SLC15A4: variants seen among roughly 807,000 people sequenced by gnomAD.
SLC15A4 encodes solute carrier family 15 member 4.
A neutral mutation model predicts 46.1 loss-of-function variants in SLC15A4; 26 were observed. The ratio of observed to expected loss-of-function variants is 0.56; its 90% confidence interval spans 0.41 to 0.78. The LOEUF (loss-of-function observed/expected upper bound fraction) is 0.78. SLC15A4 is among the 30% of genes least tolerant of loss of function. SLC15A4 has a pLI of 0.00. For missense variants in SLC15A4, 751 were observed against 755.7 expected (o/e 0.99, Z 0.07); for synonymous variants, 370 against 333.4 (o/e 1.11, Z -1.20).
chr12:128,812,601 C>G (rs1410087135), intron 2 of SLC15A4, among the ~76,000 whole-genome samples: 1 of 152,170 alleles, frequency 6.6e-6, no homozygotes, highest in Non-Finnish European at 1.5e-5. Context: ...CGGGCTTGAG[C>G]CACCACGCCC....
Position 128,823,613 on chromosome 12 carries a change from C to A in SLC15A4, c.331G>T (p.Ala111Ser). The change falls in exon 1 of 8, where the codon GCG (alanine) becomes TCG (serine). Residue 111 changes from alanine to serine, a missense_variant. Ala to Ser is a moderately conservative substitution (Grantham distance 99). Coordinates refer to ENST00000266771, the MANE Select transcript of SLC15A4 (RefSeq NM_145648.4). ...GRARAILLSL[A>S]LYLLGMLAFP... is the part of the protein sequence containing the mutation. ...GCCAGCATGCCCAGCAGGTAGAGCG[C>A]CAGGCTCAGCAGGATGGCGCGCGCC... 1.2e-5 allele frequency: 18 copies of A among 1,466,010 alleles called. No homozygotes were observed. Among genetic ancestry groups the A allele is most frequent in the Non-Finnish European group, 1.4e-5 (16 of 1,114,444 alleles). The allele number at this position is 1,466,010 out of a possible 1,614,324, so 90.8% of individuals were successfully genotyped here.
At position 128,800,926 on chromosome 12, in the gene SLC15A4, C is replaced by G. The variant is rs767177677; in HGVS notation, c.1342G>C (p.Asp448His). The G allele has an allele frequency of 1.9e-6, 3 of 1,614,166 alleles. No homozygotes were observed. Among genetic ancestry groups the G allele is most frequent in the Non-Finnish European group, 2.5e-6 (3 of 1,180,020 alleles). The change falls in exon 6 of 8, where the codon GAT (aspartate) becomes CAT (histidine). Residue 448 changes from aspartate to histidine, a missense_variant. Asp to His is a moderately conservative substitution (Grantham distance 81, BLOSUM62 -1). Transcript: ENST00000266771. ...GGCACCTGCCACCACAGCGACAGAT[C>G]GGCAGCATGGTAGACGACGTTGCCG... ...TIGNVVYHAA[D>H]LSLWWQVPQY...
chr12:128,804,100 T>C (rs1955550892), intron 5 of SLC15A4, among the ~76,000 whole-genome samples: 2 of 152,208 alleles, frequency 1.3e-5, no homozygotes. Context: ...AATCATGCTA[T>C]TCACCTACAA....
In SLC15A4 at chr12:128,797,779, G is replaced by T. The variant is rs112357422; in HGVS notation, c.1573+1480C>A. On this transcript the variant is annotated intron_variant, in intron 7 of 7. Transcript: ENST00000266771. ...CTCTCTGAGGAGCGGGCTTCCTGTG[G>T]ATTTCCCATGTCACAGCCTTTATTT... Among the ~76,000 whole-genome samples the T allele has an allele frequency of 6.9e-3, 1,050 of 152,296 alleles. 10 individuals are homozygous for T. The highest frequency in any genetic ancestry group is 0.024 in the African/African-American group (997 of 41,558).
chr12:128,820,250 T>G (rs755483722), intron 1 of SLC15A4, among the ~76,000 whole-genome samples: 1 of 152,148 alleles, frequency 6.6e-6, no homozygotes, highest in Non-Finnish European at 1.5e-5. Context: ...CATCTTAGTG[T>G]GGTAGCTAAA....
chr12:128,823,809 C>G lies in SLC15A4; in HGVS notation c.135G>C (p.Leu45=). 6.7e-7 allele frequency: 1 copy of G among 1,483,594 alleles called. No homozygotes were observed. Among genetic ancestry groups the G allele is most frequent in the Non-Finnish European group, 8.9e-7 (1 of 1,121,174 alleles). The allele number at this position is 1,483,594 out of a possible 1,614,324, so 91.9% of individuals were successfully genotyped here. A position where few individuals can be genotyped will look rare whatever the true frequency, so the allele number is the denominator to read the frequency against. The stretch of plus-strand genomic sequence containing the variant: ...TGCCGTAGAAAGCGGCGCGCTCCAG[C>G]AGCTCCGTCAGCAGCACGGCCCCGC... ...AACGAVLLTE[L]LERAAFYGIT... is the part of the protein sequence containing the mutation. Residue 45 remains leucine, a synonymous_variant, in exon 1 of 8, where the codon CTG becomes CTC. Transcript: ENST00000266771.
Position 128,809,399 on chromosome 12 carries a change from G to T in SLC15A4, c.1086C>A (p.His362Gln). The T allele has an allele frequency of 6.3e-7, 1 of 1,591,744 alleles. No individual in the cohort carries two copies. Among genetic ancestry groups the T allele is most frequent in the Non-Finnish European group, 8.6e-7 (1 of 1,162,664 alleles). ...AGATCATTACAATTGTTCTTACCGTGTGAGGAGTGGTTGTAATATTTGAAA... is the reference window on the plus strand; with the variant it reads ...AGATCATTACAATTGTTCTTACCGTTTGAGGAGTGGTTGTAATATTTGAAA... ...PEISNITTTP[H>Q]TLPAAWLTMF... Residue 362 changes from histidine (H) to glutamine (Q), a missense_variant, in exon 4 of 8, where the codon CAC becomes CAA. By Grantham distance (24) the His-to-Gln change is conservative. Coordinates refer to ENST00000266771, the MANE Select transcript of SLC15A4 (RefSeq NM_145648.4).
intron 5 of SLC15A4, 79 bp from the exon 6 acceptor site, chr12:128,801,088 AG>A: frequency 7.4e-7 from 1 of 1,345,034 alleles, no homozygotes; most frequent in Non-Finnish European, 1.0e-6. Flanking sequence ...GTTGGCTACG[AG>A]ACTTCGTAGC....
At chr12:128,803,660 A>G (rs1417355795) in intron 5 of SLC15A4, among the ~76,000 whole-genome samples, 2 of 152,172 alleles carry the variant, frequency 1.3e-5, no homozygotes, top group Non-Finnish European at 2.9e-5. Flanking sequence ...GGCTGCTAGA[A>G]TCTCACAGGA....
At position 128,812,445 on chromosome 12, in the gene SLC15A4, A is replaced by G. The variant is rs566071977; in HGVS notation, c.842+2330T>C. ...CGCCATTCTCCTGCCTCAGCCCCCC[A>G]TGTAACTGGCACTACAGGCACCCGC... On this transcript the variant is annotated intron_variant, in intron 2 of 7. Transcript: ENST00000266771. Among the ~76,000 whole-genome samples the G allele has an allele frequency of 5.9e-5, 9 of 151,902 alleles. No individual in the cohort carries two copies. The East Asian group carries it at 1.7e-3, about 29-fold the overall frequency.
At chr12:128,800,088 C>T (rs1331243090) in intron 6 of SLC15A4, among the ~76,000 whole-genome samples, 2 of 152,050 alleles carry the variant, frequency 1.3e-5, no homozygotes, top group Admixed American at 6.6e-5. Context: ...GGTGATCCAC[C>T]CGCCTCGGAT....
chr12:128,795,920 C>T (rs1259546674), intron 7 of SLC15A4, among the ~76,000 whole-genome samples: 4 of 152,206 alleles, frequency 2.6e-5, no homozygotes, highest in East Asian at 1.9e-4. Context: ...TGCGTGTGGC[C>T]GGCAACATCA....
At chr12:128,820,484 C>T (rs554190672) in intron 1 of SLC15A4, among the ~76,000 whole-genome samples, 1 of 152,344 alleles carries the variant, frequency 6.6e-6, no homozygotes, top group South Asian at 2.1e-4. Flanking sequence ...TCTAAGGTGT[C>T]TCCTGACTGT....
chr12:128,804,598 C>T (rs1172132754), intron 5 of SLC15A4, among the ~76,000 whole-genome samples: 2 of 152,174 alleles, frequency 1.3e-5, no homozygotes, highest in African/African-American at 2.4e-5. Flanking sequence ...GGCATGGTGG[C>T]AGGCGCCTGT....
intron 7 of SLC15A4, among the ~76,000 whole-genome samples, chr12:128,797,536 T>C (rs535172299): frequency 5.9e-5 from 9 of 152,264 alleles, no homozygotes; most frequent in Admixed American, 5.2e-4. Flanking sequence ...TAAATAACAC[T>C]AATAAAAGGA....
chr12:128,816,523 T>C (rs1357016958), intron 1 of SLC15A4, among the ~76,000 whole-genome samples: 1 of 152,156 alleles, frequency 6.6e-6, no homozygotes, highest in African/African-American at 2.4e-5. Context: ...TAACACATTC[T>C]CAATGGGGCC....
intron 2 of SLC15A4, among the ~76,000 whole-genome samples, chr12:128,811,648 C>CT (rs558793498): frequency 2.0e-5 from 3 of 152,318 alleles, no homozygotes; most frequent in Non-Finnish European, 2.9e-5. Context: ...TCAAGTACTA[C>CT]TTTTTTTCAA....
chr12:128,796,711 C>T (rs1955448805), intron 7 of SLC15A4, among the ~76,000 whole-genome samples: 2 of 152,240 alleles, frequency 1.3e-5, no homozygotes, highest in South Asian at 4.1e-4. Flanking sequence ...CACTAGCTGT[C>T]ACTGCTGTCC....
At chr12:128,805,150 C>T (rs974115972) in intron 5 of SLC15A4, among the ~76,000 whole-genome samples, 1 of 152,058 alleles carries the variant, frequency 6.6e-6, no homozygotes, top group Non-Finnish European at 1.5e-5. Flanking sequence ...CTTGGATACC[C>T]CCCCCAAAAA....
Sources: allele counts gnomAD v4.1 joint callset (sites outside exome capture counted in the v4.1 genomes callset), GRCh38; gene constraint gnomAD v4.1.1; transcripts MANE v1.5; gene names NCBI Gene and HGNC (gene_info 2026-07-23, HGNC 2026-07-21).